Variants in PAPPA2 observed in about 807,000 individuals in gnomAD.
PAPPA2 encodes the protein pappalysin 2, also known as pappalysin-2.
In PAPPA2, 86 loss-of-function variants were observed where a neutral mutation model predicts 176.4. The observed-to-expected ratio is 0.49, with a 90% CI of 0.41 to 0.58. PAPPA2 has a LOEUF of 0.58. Among genes scored for constraint, PAPPA2 ranks in the 20% least tolerant of loss-of-function variants. PAPPA2 has a pLI of 0.00. For synonymous variants in PAPPA2, 809 were observed against 852.2 expected (o/e 0.95, Z 0.88); for missense variants, 2,073 against 2,256.9 (o/e 0.92, Z 1.65).
At chr1:176,571,467 T>C (rs1431887568) in intron 2 of PAPPA2, among the ~76,000 whole-genome samples, 1 of 152,208 alleles carries the variant, frequency 6.6e-6, no homozygotes, top group Non-Finnish European at 1.5e-5. Flanking sequence ...AACTATGTGT[T>C]GAGAGCCATG....
At chr1:176,790,011 G>A (rs751845536) in intron 18 of PAPPA2, 34 bp downstream of exon 18, 20 of 1,606,402 alleles carry the variant, frequency 1.2e-5, no homozygotes, top group Non-Finnish European at 1.6e-5. Context: ...TTTTCATCAG[G>A]CTGTGCTCTA....
In PAPPA2 at chr1:176,556,254, G is replaced by T; in HGVS notation, c.-69G>T. 2.0e-6 allele frequency: 3 copies of T among 1,505,312 alleles called. No homozygotes were observed. Among genetic ancestry groups the T allele is most frequent in the South Asian group, 2.6e-5 (2 of 77,144 alleles). 93.2% of individuals were successfully genotyped at this position (1,505,312 alleles called of 1,614,324 possible). A position where few individuals can be genotyped will look rare whatever the true frequency, so the allele number is the denominator to read the frequency against. On this transcript the variant is annotated 5_prime_UTR_variant, in exon 2 of 23. Coordinates refer to ENST00000367662, the MANE Select transcript of PAPPA2 (RefSeq NM_020318.3). ...ATCCATTGCTAGCTGCCTCTTTCTC[G>T]TCTGCCCATCACTCTGGTGTGGTAC...
At chr1:176,601,224 A>G (rs1043786847) in intron 3 of PAPPA2, among the ~76,000 whole-genome samples, 4 of 152,200 alleles carry the variant, frequency 2.6e-5, no homozygotes, top group Non-Finnish European at 5.9e-5. Flanking sequence ...GTGATGATGA[A>G]GCAAGAGGAC....
At chr1:176,524,547 G>T (rs1195910986) in intron 1 of PAPPA2, among the ~76,000 whole-genome samples, 1 of 152,128 alleles carries the variant, frequency 6.6e-6, no homozygotes, top group Non-Finnish European at 1.5e-5. Context: ...TATTATTTTT[G>T]GCTCTGATGA....
chr1:176,728,571 A>G (rs190168977), intron 12 of PAPPA2, among the ~76,000 whole-genome samples: 4 of 152,112 alleles, frequency 2.6e-5, no homozygotes, highest in African/African-American at 9.6e-5. Flanking sequence ...ACTCAATATC[A>G]TACGAATGCT....
At chr1:176,475,118 T>C (rs1652052771) in intron 1 of PAPPA2, among the ~76,000 whole-genome samples, 1 of 152,216 alleles carries the variant, frequency 6.6e-6, no homozygotes, top group African/African-American at 2.4e-5. Flanking sequence ...AGAATGAATT[T>C]ACACAGCAAG....
chr1:176,499,904 G>T (rs182194386), intron 1 of PAPPA2, among the ~76,000 whole-genome samples: 1 of 152,280 alleles, frequency 6.6e-6, no homozygotes, highest in Non-Finnish European at 1.5e-5. Context: ...CTGGGTCTGA[G>T]TCGTGATGTG....
chr1:176,791,236 T>C, intron 18 of PAPPA2, 111 bp from the exon 19 acceptor site: 1 of 736,410 alleles, frequency 1.4e-6, no homozygotes, highest in Non-Finnish European at 2.0e-6. Flanking sequence ...ATAGTGTCTT[T>C]TGGTCCAGGT....
At chr1:176,713,064 AT>A (rs1661213246) in intron 12 of PAPPA2, among the ~76,000 whole-genome samples, 1 of 151,966 alleles carries the variant, frequency 6.6e-6, no homozygotes, top group African/African-American at 2.4e-5. Flanking sequence ...TTATATGCAT[AT>A]TAATTCTTTT....
At chr1:176,632,011 C>T (rs1207481995) in intron 3 of PAPPA2, among the ~76,000 whole-genome samples, 1 of 151,970 alleles carries the variant, frequency 6.6e-6, no homozygotes, top group Non-Finnish European at 1.5e-5. Flanking sequence ...CTAGAAGTAG[C>T]AAGTTAAGGG....
chr1:176,472,134 C>T (rs1388990494), intron 1 of PAPPA2, among the ~76,000 whole-genome samples: 1 of 152,172 alleles, frequency 6.6e-6, no homozygotes, highest in African/African-American at 2.4e-5. Context: ...AAAGACTCAT[C>T]TCTTCATCTA....
chr1:176,668,966 G>C (rs1384318309), intron 3 of PAPPA2, among the ~76,000 whole-genome samples: 2 of 152,126 alleles, frequency 1.3e-5, no homozygotes, highest in Non-Finnish European at 2.9e-5. Context: ...TTGGTGTGGA[G>C]GAGGAGGCCC....
intron 18 of PAPPA2, 122 bp downstream of exon 18, chr1:176,790,099 T>C (rs1665111013): frequency 8.8e-7 from 1 of 1,131,638 alleles, no homozygotes; most frequent in African/African-American, 1.6e-5. Context: ...GGGATTCTAA[T>C]CGGGAGTGTT....
intron 20 of PAPPA2, among the ~76,000 whole-genome samples, chr1:176,798,090 T>C (rs1665524548): frequency 6.6e-6 from 1 of 152,154 alleles, no homozygotes. Flanking sequence ...TCTGTAGCAG[T>C]TAAGGAGAGA....
At position 176,555,944 on chromosome 1, in the gene PAPPA2, G is replaced by A; in HGVS notation, c.-379G>A. ...GTGGGTCTTCTCTTCTAGTATCAGT[G>A]AGGGGAGGGATTACTGAAGAAGAAG... is the stretch of plus-strand genomic sequence containing the variant. On this transcript the variant is annotated 5_prime_UTR_variant, in exon 2 of 23. Transcript: ENST00000367662. 4.9e-6 allele frequency: 1 copy of A among 204,522 alleles called. No homozygotes were observed. Among genetic ancestry groups the A allele is most frequent in the Non-Finnish European group, 9.9e-6 (1 of 101,164 alleles). The allele number at this position is 204,522 out of a possible 1,614,324, so 12.7% of individuals were successfully genotyped here.
At chr1:176,615,421 C>T (rs895136823) in intron 3 of PAPPA2, among the ~76,000 whole-genome samples, 1 of 152,246 alleles carries the variant, frequency 6.6e-6, no homozygotes, top group African/African-American at 2.4e-5. Context: ...TGCCATTCTC[C>T]TGCCTCAGCC....
At chr1:176,628,000 G>A (rs1185744291) in intron 3 of PAPPA2, among the ~76,000 whole-genome samples, 1 of 152,192 alleles carries the variant, frequency 6.6e-6, no homozygotes, top group East Asian at 1.9e-4. Flanking sequence ...AGGCGAGCAG[G>A]AGAATGAATG....
At chr1:176,603,339 T>C (rs1654428735) in intron 3 of PAPPA2, among the ~76,000 whole-genome samples, 1 of 152,210 alleles carries the variant, frequency 6.6e-6, no homozygotes, top group African/African-American at 2.4e-5. Context: ...GGTTTGTAAT[T>C]ACTTCAGTGA....
chr1:176,566,020 ACACT>A (rs779018502), intron 2 of PAPPA2, among the ~76,000 whole-genome samples: 4 of 152,206 alleles, frequency 2.6e-5, no homozygotes, highest in Non-Finnish European at 4.4e-5. Flanking sequence ...CATACAGGAA[ACACT>A]CAGGTGCTTA....
Sources: allele counts gnomAD v4.1 joint callset (sites outside exome capture counted in the v4.1 genomes callset), GRCh38; gene constraint gnomAD v4.1.1; transcripts MANE v1.5; gene names NCBI Gene and HGNC (gene_info 2026-07-23, HGNC 2026-07-21).